The following SLC44A5 variants were observed in gnomAD, a reference collection of about 807,000 sequenced individuals.
SLC44A5 encodes the protein choline transporter-like protein 5.
A neutral mutation model predicts 101.8 loss-of-function variants in SLC44A5; 57 were observed. That is an observed-to-expected ratio of 0.56 (90% confidence interval 0.45 to 0.70). The LOEUF (loss-of-function observed/expected upper bound fraction) is 0.70, where lower values mean the gene tolerates loss of function less well. SLC44A5 is among the 30% of genes least tolerant of loss of function. The pLI is 0.00. For missense variants in SLC44A5, 737 were observed against 853.1 expected (o/e 0.86, Z 1.70); for synonymous variants, 281 against 290.9 (o/e 0.97, Z 0.35).
chr1:75,505,953 T>C (rs1669229998), intron 2 of SLC44A5, among the ~76,000 whole-genome samples: 1 of 152,196 alleles, frequency 6.6e-6, no homozygotes, highest in South Asian at 2.1e-4. Context: ...TGGCATTTCC[T>C]AGAATTTTTT....
intron 2 of SLC44A5, chr1:75,402,554 G>A (rs1467905421): frequency 6.4e-5 from 13 of 201,750 alleles, no homozygotes; most frequent in Non-Finnish European, 1.1e-4. Flanking sequence ...GAAGTAGGGT[G>A]AGGCATCACC....
intron 3 of SLC44A5, among the ~76,000 whole-genome samples, chr1:75,362,266 ATTG>A (rs1659542895): frequency 6.7e-6 from 1 of 149,008 alleles, no homozygotes; most frequent in Admixed American, 6.7e-5. Flanking sequence ...TTTTTTTTCT[ATTG>A]TTTTTCTAGT....
chr1:75,234,148 A>G (rs756961966), intron 11 of SLC44A5, 50 bp from the exon 12 acceptor site: 1 of 1,273,774 alleles, frequency 7.9e-7, no homozygotes, highest in South Asian at 1.3e-5. Context: ...TAAACACAGC[A>G]TATTACAAAC....
intron 2 of SLC44A5, among the ~76,000 whole-genome samples, chr1:75,474,971 T>C (rs949011962): frequency 2.0e-5 from 3 of 152,202 alleles, no homozygotes; most frequent in African/African-American, 7.2e-5. Context: ...CAGCAACAAT[T>C]CAACTGCCTG....
the SLC44A5 span, among the ~76,000 whole-genome samples, chr1:75,688,377 C>A: frequency 6.6e-6 from 1 of 152,188 alleles, no homozygotes; most frequent in Non-Finnish European, 1.5e-5. Context: ...TCATACTTCA[C>A]ACAAAAGCTC....
Position 75,217,809 on chromosome 1 carries a change from C to T in SLC44A5, c.1624+57G>A, listed in dbSNP as rs536135908. 5 of 1,153,566 alleles carry T rather than the reference C, an allele frequency of 4.3e-6. No individual in the cohort carries two copies. The South Asian group carries it at 6.2e-5, about 14-fold the overall frequency. 71.5% of individuals were successfully genotyped at this position (1,153,566 alleles called of 1,614,324 possible). On this transcript the variant is annotated intron_variant, in intron 18 of 23. Transcript: ENST00000370859. ...TCCAAGTTATAATCATCAGGTCTCC[C>T]CCAACCCCCAACCCAATTTATTATC...
At chr1:75,684,454 G>A in the SLC44A5 span, among the ~76,000 whole-genome samples, 1 of 152,208 alleles carries the variant, frequency 6.6e-6, no homozygotes, top group African/African-American at 2.4e-5. Context: ...ATACCTAGGA[G>A]CCCATGAAAT....
chr1:75,480,851 G>A lies in SLC44A5; in HGVS notation c.13+60584C>T, dbSNP rs1009504672. On this transcript the variant is annotated intron_variant, in intron 2 of 23. Coordinates refer to ENST00000370859, the MANE Select transcript of SLC44A5 (RefSeq NM_001130058.2). The stretch of plus-strand genomic sequence containing the variant: ...GCCCAAGGTAATATATAGATTCAAT[G>A]CCATCCCCATCAAGCTACCAATGAC... 5.3e-5 allele frequency among the ~76,000 whole-genome samples: 8 copies of A among 152,258 alleles called. No individual in the cohort carries two copies. In the East Asian group the frequency reaches 1.4e-3, roughly 26 times the overall value.
the SLC44A5 span, among the ~76,000 whole-genome samples, chr1:75,651,013 T>A: frequency 6.6e-6 from 1 of 151,514 alleles, no homozygotes; most frequent in Non-Finnish European, 1.5e-5. Context: ...CCCAAATTTG[T>A]TCCATCACCC....
At chr1:75,306,980 C>T in intron 4 of SLC44A5, among the ~76,000 whole-genome samples, 1 of 151,740 alleles carries the variant, frequency 6.6e-6, no homozygotes. Context: ...CCTCGTGATC[C>T]ACCCGCCTCG....
chr1:75,688,637 G>T, the SLC44A5 span, among the ~76,000 whole-genome samples: 1 of 152,282 alleles, frequency 6.6e-6, no homozygotes, highest in Admixed American at 6.5e-5. Flanking sequence ...AGCCTCGGGG[G>T]CTGTGAACAC....
rs185907940 is a variant in SLC44A5 at position 75,310,783 on chromosome 1, T to A, written c.102-10098A>T. 9.5e-3 allele frequency among the ~76,000 whole-genome samples: 1,454 copies of A among 152,276 alleles called. 32 individuals carry two copies. The highest frequency in any genetic ancestry group is 0.033 in the African/African-American group (1,377 of 41,574). On this transcript the variant is annotated intron_variant, in intron 4 of 23. Coordinates refer to ENST00000370859, the MANE Select transcript of SLC44A5 (RefSeq NM_001130058.2). ...ATATTTTCACAGAATTCAAGTAAGTTAAACTGAGATTTGTTTCCCAGCAAA... is the reference window on the plus strand; with the variant it reads ...ATATTTTCACAGAATTCAAGTAAGTAAAACTGAGATTTGTTTCCCAGCAAA...
intron 2 of SLC44A5, among the ~76,000 whole-genome samples, chr1:75,425,914 C>T (rs1664281968): frequency 6.6e-6 from 1 of 152,172 alleles, no homozygotes; most frequent in Non-Finnish European, 1.5e-5. Context: ...CCCTTTTTCT[C>T]AGGTGAGAAA....
At chr1:75,606,063 C>A (rs1675307770) in intron 1 of SLC44A5, among the ~76,000 whole-genome samples, 1 of 151,946 alleles carries the variant, frequency 6.6e-6, no homozygotes, top group Non-Finnish European at 1.5e-5. Context: ...AAAATTGCCC[C>A]TGGTTGAGAA....
At chr1:75,541,396 G>T in intron 2 of SLC44A5, 39 bp downstream of exon 2, 3 of 1,428,714 alleles carry the variant, frequency 2.1e-6, no homozygotes, top group Non-Finnish European at 3.0e-6. Context: ...TGGCACAAAA[G>T]TCCAGATCAA....
intron 3 of SLC44A5, among the ~76,000 whole-genome samples, chr1:75,369,833 A>C (rs908815833): frequency 4.6e-5 from 7 of 152,218 alleles, no homozygotes; most frequent in African/African-American, 9.7e-5. Context: ...AGAATAAAAA[A>C]CAAAGATGAA....
intron 12 of SLC44A5, among the ~76,000 whole-genome samples, chr1:75,232,814 A>C (rs1474295007): frequency 6.6e-6 from 1 of 152,104 alleles, no homozygotes; most frequent in Non-Finnish European, 1.5e-5. Flanking sequence ...CCACCAACAA[A>C]CTTCCAAAGT....
At chr1:75,395,429 A>G (rs77426048) in intron 3 of SLC44A5, among the ~76,000 whole-genome samples, 2,673 of 152,242 alleles carry the variant, frequency 0.018, 82 homozygotes, top group African/African-American at 0.061. Flanking sequence ...AATTTACAAA[A>G]TAGCCTCTAC....
chr1:75,410,084 G>C (rs1201394847), intron 2 of SLC44A5, among the ~76,000 whole-genome samples: 2 of 151,890 alleles, frequency 1.3e-5, no homozygotes, highest in Non-Finnish European at 2.9e-5. Context: ...CCTCTTACCA[G>C]GTGTCTTTAA....
Sources: gnomAD v4.1 joint callset for allele counts (sites outside exome capture counted in the v4.1 genomes callset) on GRCh38, gnomAD v4.1.1 for gene constraint, MANE v1.5 for transcripts, NCBI Gene and HGNC (gene_info 2026-07-23, HGNC 2026-07-21) for gene names.